Variants in MROH1 observed in about 807,000 individuals in gnomAD.
MROH1 encodes the protein maestro heat like repeat family member 1.
In MROH1, 117 loss-of-function variants were observed where a neutral mutation model predicts 116.5. The ratio of observed to expected loss-of-function variants is 1.00; its 90% confidence interval spans 0.86 to 1.17. The LOEUF (loss-of-function observed/expected upper bound fraction) is 1.17, where lower values mean the gene tolerates loss of function less well. Ranked by LOEUF, MROH1 falls within the 50% of genes most tolerant of loss-of-function variation. The pLI is 0.00. For synonymous variants in MROH1, 921 were observed against 583.9 expected (o/e 1.58, Z -8.32); for missense variants, 1,873 against 1,338.5 (o/e 1.40, Z -6.23).
At chr8:144,175,498 C>G in intron 4 of MROH1, 1 of 985,482 alleles carries the variant, frequency 1.0e-6, no homozygotes, top group Non-Finnish European at 1.2e-6. Context: ...AGTTCCTGCA[C>G]TATACCGGCC....
chr8:144,162,769 C>A (rs1179803984), intron 2 of MROH1, among the ~76,000 whole-genome samples: 1 of 151,194 alleles, frequency 6.6e-6, no homozygotes, highest in Non-Finnish European at 1.5e-5. Flanking sequence ...GTCGCTCAGG[C>A]TGCAGTGCAG....
intron 12 of MROH1, among the ~76,000 whole-genome samples, chr8:144,217,559 C>T (rs1231089339): frequency 6.6e-6 from 1 of 152,228 alleles, no homozygotes; most frequent in Non-Finnish European, 1.5e-5. Flanking sequence ...ACGGCAGTCA[C>T]TGACTCTCAC....
chr8:144,177,649 G>A (rs967510868), intron 4 of MROH1, among the ~76,000 whole-genome samples: 2 of 152,126 alleles, frequency 1.3e-5, no homozygotes, highest in Non-Finnish European at 2.9e-5. Flanking sequence ...ATCTCATGTT[G>A]AAATGTAATC....
At chr8:144,173,016 A>G (rs933339800) in intron 4 of MROH1, among the ~76,000 whole-genome samples, 5 of 150,104 alleles carry the variant, frequency 3.3e-5, no homozygotes, top group African/African-American at 1.2e-4. Context: ...GGGGCTTATT[A>G]TGTGTTTGCT....
At chr8:144,155,067 C>T (rs1225157720) in intron 1 of MROH1, among the ~76,000 whole-genome samples, 3 of 152,130 alleles carry the variant, frequency 2.0e-5, no homozygotes, top group East Asian at 3.8e-4. Context: ...CCACCCACCT[C>T]GGCGTCCTAA....
chr8:144,230,761 G>A (rs1484884091), intron 14 of MROH1, among the ~76,000 whole-genome samples: 1 of 146,584 alleles, frequency 6.8e-6, no homozygotes, highest in Non-Finnish European at 1.5e-5. Context: ...ATTCACCAGT[G>A]AAGACATCAG....
chr8:144,243,017 G>T (rs1841287281), intron 24 of MROH1, among the ~76,000 whole-genome samples: 1 of 152,234 alleles, frequency 6.6e-6, no homozygotes, highest in Admixed American at 6.5e-5. Context: ...AGTGGAAGTG[G>T]CAGTGGAGGC....
intron 29 of MROH1, among the ~76,000 whole-genome samples, chr8:144,246,468 C>T (rs1306010223): frequency 7.2e-5 from 11 of 152,250 alleles, no homozygotes; most frequent in African/African-American, 2.6e-4. Flanking sequence ...CTCGTGTGTT[C>T]AGGGCTCTTC....
chr8:144,211,137 A>G (rs1050017497), intron 12 of MROH1, among the ~76,000 whole-genome samples: 2 of 152,198 alleles, frequency 1.3e-5, no homozygotes, highest in East Asian at 3.8e-4. Flanking sequence ...GCAAGTCAAC[A>G]TGTTTCTCTG....
intron 1 of MROH1, among the ~76,000 whole-genome samples, chr8:144,149,332 G>T (rs1469702591): frequency 6.6e-6 from 1 of 152,118 alleles, no homozygotes; most frequent in African/African-American, 2.4e-5. Flanking sequence ...GGAATGACCT[G>T]AGGCTAAGGT....
At chr8:144,199,273 G>A (rs1830574197) in intron 11 of MROH1, 73 bp downstream of exon 11, 1 of 1,466,392 alleles carries the variant, frequency 6.8e-7, no homozygotes, top group Non-Finnish European at 9.4e-7. Flanking sequence ...TGTATGTGGA[G>A]GATGGTGGTG....
chr8:144,259,447 C>A (rs1364023930), intron 37 of MROH1, 93 bp downstream of exon 37: 2 of 705,518 alleles, frequency 2.8e-6, no homozygotes, highest in Middle Eastern at 3.6e-4. Context: ...TAAAAGGCCC[C>A]CTCGACCGTG....
intron 34 of MROH1, 112 bp from the exon 35 acceptor site, chr8:144,255,397 A>G: frequency 2.9e-6 from 2 of 685,808 alleles, no homozygotes; most frequent in Non-Finnish European, 5.4e-6. Flanking sequence ...CTGGGATCTG[A>G]GACCTCCGAG....
At chr8:144,219,342 C>T (rs7464860) in intron 12 of MROH1, among the ~76,000 whole-genome samples, 62,522 of 151,844 alleles carry the variant, frequency 0.41, 15,317 homozygotes, top group East Asian at 0.72. Context: ...TTTTTTAGTA[C>T]AGAAGGGGTT....
At chr8:144,148,532 AAGCCAAGCATACGCCCGG>A (rs1247763689) in intron 1 of MROH1, 1 of 152,442 alleles carries the variant, frequency 6.6e-6, no homozygotes, top group Admixed American at 6.5e-5. Flanking sequence ...TCTCTCCGGG[AAGCCAAGCATACGCCCGG>A]AGCCTGCAAA....
At chr8:144,198,429 A>C (rs1313036971) in intron 10 of MROH1, among the ~76,000 whole-genome samples, 2 of 151,980 alleles carry the variant, frequency 1.3e-5, no homozygotes, top group African/African-American at 4.8e-5. Context: ...TTGTTTGTTC[A>C]TTTGTTTGAG....
intron 4 of MROH1, chr8:144,175,285 G>GCCCCCCCC (rs1823556709): frequency 1.8e-6 from 1 of 550,316 alleles, no homozygotes; most frequent in African/African-American, 2.2e-5. Context: ...CACCCAAGCT[G>GCCCCCCCC]CCCCTCCCAG....
Position 144,247,573 on chromosome 8 carries a change from C to T in MROH1, c.3014C>T (p.Ser1005Phe), listed in dbSNP as rs1362635907. ...LYLQLGYEGF[S>F]RDYRDDVAER... ...CATTCCTGCCGCCTCTCAGGCTTCT[C>T]CCGGGACTACCGCGATGACGTGGCG... The change falls in exon 31 of 44, where the codon TCC becomes TTC. Residue 1005 changes from serine (S) to phenylalanine (F), a missense_variant. Transcript: ENST00000326134. The T allele has an allele frequency of 2.6e-6, 2 of 774,372 alleles. No homozygotes were observed. 48.0% of individuals were successfully genotyped at this position (774,372 alleles called of 1,614,324 possible).
At position 144,260,742 on chromosome 8, in the gene MROH1, A is replaced by G. The variant is rs1844884902; in HGVS notation, c.4446A>G (p.Gly1482=). The G allele has an allele frequency of 3.8e-6, 3 of 779,356 alleles. No individual in the cohort carries two copies. Among genetic ancestry groups the G allele is most frequent in the Non-Finnish European group, 7.2e-6 (3 of 417,784 alleles). The allele number at this position is 779,356 out of a possible 1,614,324, so 48.3% of individuals were successfully genotyped here. The change falls in exon 40 of 44, where the codon GGA becomes GGG. Residue 1482 remains glycine (G), a synonymous_variant. Coordinates refer to ENST00000326134, the MANE Select transcript of MROH1 (RefSeq NM_032450.3). ...LFGHLNKVCH[G]DCEDVFLDQV... ...GGCACCTTAACAAGGTCTGCCACGG[A>G]GACTGTGAGGACGTCTTCCTGGACC...
Sources: allele counts gnomAD v4.1 joint callset (sites outside exome capture counted in the v4.1 genomes callset), GRCh38; gene constraint gnomAD v4.1.1; transcripts MANE v1.5; gene names NCBI Gene and HGNC (gene_info 2026-07-23, HGNC 2026-07-21).